Variants in RBFOX1 observed in about 807,000 individuals in gnomAD.
RBFOX1 encodes RNA binding protein fox-1 homolog 1.
In RBFOX1, 8 loss-of-function variants were observed where a neutral mutation model predicts 57.7. The observed-to-expected ratio is 0.14, with a 90% CI of 0.08 to 0.25. The LOEUF is 0.25. RBFOX1 is among the 10% of genes least tolerant of loss of function. The pLI is 1.00. For synonymous variants in RBFOX1, 326 were observed against 222.4 expected (o/e 1.47, Z -4.15); for missense variants, 611 against 548.5 (o/e 1.11, Z -1.14).
At chr16:6,656,859 C>T (rs1339767921) in intron 3 of RBFOX1, among the ~76,000 whole-genome samples, 1 of 150,326 alleles carries the variant, frequency 6.7e-6, no homozygotes, top group African/African-American at 2.5e-5. Context: ...AAAAAAGAGT[C>T]TTTTAAACAA....
intron 3 of RBFOX1, among the ~76,000 whole-genome samples, chr16:6,788,832 C>T (rs1216857976): frequency 6.6e-6 from 1 of 152,088 alleles, no homozygotes; most frequent in Non-Finnish European, 1.5e-5. Flanking sequence ...CAATTTCCAT[C>T]TTATGTCCTA....
chr16:5,398,712 T>G (rs968290871), intron 1 of RBFOX1, among the ~76,000 whole-genome samples: 3 of 152,048 alleles, frequency 2.0e-5, no homozygotes, highest in African/African-American at 7.2e-5. Flanking sequence ...TGATGAGCTG[T>G]GGGTCTCTTG....
intron 4 of RBFOX1, among the ~76,000 whole-genome samples, chr16:7,339,015 G>T (rs902636856): frequency 1.3e-5 from 2 of 152,152 alleles, no homozygotes; most frequent in African/African-American, 4.8e-5. Flanking sequence ...TTTCTGTACT[G>T]CCAAAGAGGC....
intron 2 of RBFOX1, among the ~76,000 whole-genome samples, chr16:6,521,454 C>CCCTCT (rs930662848): frequency 7.1e-6 from 1 of 141,610 alleles, no homozygotes; most frequent in Non-Finnish European, 1.5e-5. Flanking sequence ...CCCTCCCGTC[C>CCCTCT]CCTCTCCTCT....
intron 4 of RBFOX1, among the ~76,000 whole-genome samples, chr16:7,066,542 CAA>C (rs2056085662): frequency 6.6e-6 from 1 of 151,370 alleles, no homozygotes; most frequent in Non-Finnish European, 1.5e-5. Context: ...ATTTTATGTG[CAA>C]AGTTTTAGGT....
chr16:7,327,374 G>A (rs2096624610), intron 4 of RBFOX1, among the ~76,000 whole-genome samples: 1 of 152,210 alleles, frequency 6.6e-6, no homozygotes, highest in Non-Finnish European at 1.5e-5. Flanking sequence ...AGGGTAAAGT[G>A]AGGAATATTA....
At chr16:6,991,912 C>A (rs1596325558) in intron 3 of RBFOX1, among the ~76,000 whole-genome samples, 1 of 152,152 alleles carries the variant, frequency 6.6e-6, no homozygotes, top group Admixed American at 6.5e-5. Context: ...TAGATCCTAC[C>A]CACAGAGTTT....
chr16:5,737,666 T>C (rs1406039659), intron 3 of RBFOX1, among the ~76,000 whole-genome samples: 1 of 152,048 alleles, frequency 6.6e-6, no homozygotes, highest in Non-Finnish European at 1.5e-5. Context: ...GGGTCTTCCT[T>C]TGCACTGTCT....
At chr16:5,642,279 A>G (rs750356054) in intron 3 of RBFOX1, among the ~76,000 whole-genome samples, 12 of 152,222 alleles carry the variant, frequency 7.9e-5, no homozygotes, top group African/African-American at 2.7e-4. Flanking sequence ...GGGGCTGTTT[A>G]TAGTCGATGA....
chr16:5,989,843 A>AACACACACAC (rs199624083), intron 4 of RBFOX1, among the ~76,000 whole-genome samples: 407 of 20,744 alleles, frequency 0.02, 4 homozygotes, highest in African/African-American at 0.087. Flanking sequence ...AACACCCCCT[A>AACACACACAC]ACACACACAC....
intron 3 of RBFOX1, among the ~76,000 whole-genome samples, chr16:6,960,720 C>A (rs1030859891): frequency 1.3e-5 from 2 of 152,074 alleles, no homozygotes; most frequent in African/African-American, 4.8e-5. Context: ...TGTACTGTCT[C>A]TACCTGTCAC....
At chr16:6,472,095 C>T (rs1654473117) in intron 2 of RBFOX1, among the ~76,000 whole-genome samples, 1 of 152,180 alleles carries the variant, frequency 6.6e-6, no homozygotes, top group Non-Finnish European at 1.5e-5. Context: ...ACTCTACCGA[C>T]AAATTTACCT....
At chr16:6,902,691 C>T (rs115832917) in intron 3 of RBFOX1, among the ~76,000 whole-genome samples, 4,843 of 152,216 alleles carry the variant, frequency 0.032, 152 homozygotes, top group South Asian at 0.12. Context: ...CACTGCACTC[C>T]GGTCAGGGTG....
intron 1 of RBFOX1, 138 bp from the exon 2 acceptor site, chr16:6,316,857 C>A (rs907574931): frequency 6.7e-6 from 4 of 598,750 alleles, no homozygotes; most frequent in African/African-American, 5.6e-5. Context: ...ATCATCATCA[C>A]CATCATTGCT....
Position 6,227,760 on chromosome 16 carries a change from C to T in RBFOX1, c.-126-89235C>T, listed in dbSNP as rs112922368. ...GGCCAACCTCCAAACTTGTGTTTTG[C>T]GATAAAAAATGAATATGTGGTTACT... On this transcript the variant is annotated intron_variant, in intron 1 of 15. Transcript: ENST00000550418. 2.6e-3 allele frequency among the ~76,000 whole-genome samples: 394 copies of T among 152,162 alleles called. 1 individual carries two copies. Among genetic ancestry groups the T allele is most frequent in the Middle Eastern group, 6.8e-3 (2 of 294 alleles).
chr16:5,605,671 G>A (rs2047547718), intron 3 of RBFOX1, among the ~76,000 whole-genome samples: 1 of 151,950 alleles, frequency 6.6e-6, no homozygotes, highest in African/African-American at 2.4e-5. Flanking sequence ...AGTCTAGGAG[G>A]GGAGAGTGTT....
chr16:7,372,409 A>G (rs920451463), intron 4 of RBFOX1, among the ~76,000 whole-genome samples: 5 of 152,172 alleles, frequency 3.3e-5, no homozygotes, highest in Non-Finnish European at 2.9e-5. Flanking sequence ...TTTTGCTTGA[A>G]GTTCTCCTTA....
intron 1 of RBFOX1, among the ~76,000 whole-genome samples, chr16:5,432,191 A>G (rs956328750): frequency 1.3e-5 from 2 of 152,188 alleles, no homozygotes; most frequent in African/African-American, 4.8e-5. Flanking sequence ...CATCACAACC[A>G]TTAGAAATCT....
At chr16:5,889,780 G>A (rs1258366832) in intron 4 of RBFOX1, among the ~76,000 whole-genome samples, 1 of 152,214 alleles carries the variant, frequency 6.6e-6, no homozygotes, top group Non-Finnish European at 1.5e-5. Flanking sequence ...TTTTGATCAA[G>A]GCCTGAGAGA....
Sources: gnomAD v4.1 joint callset for allele counts (sites outside exome capture counted in the v4.1 genomes callset) on GRCh38, gnomAD v4.1.1 for gene constraint, MANE v1.5 for transcripts, NCBI Gene and HGNC (gene_info 2026-07-23, HGNC 2026-07-21) for gene names.